Variants in PTPRM observed in about 807,000 individuals in gnomAD.
PTPRM encodes the protein receptor-type tyrosine-protein phosphatase mu.
A neutral mutation model predicts 186.7 loss-of-function variants in PTPRM; 47 were observed. The observed-to-expected ratio is 0.25, with a 90% CI of 0.20 to 0.32. PTPRM has a LOEUF of 0.32. Ranked by LOEUF, PTPRM falls within the 10% of genes least tolerant of loss-of-function variation. PTPRM has a pLI of 1.00. For missense variants in PTPRM, 1,494 were observed against 1,865.0 expected (o/e 0.80, Z 3.66); for synonymous variants, 668 against 674.9 (o/e 0.99, Z 0.16).
intron 24 of PTPRM, among the ~76,000 whole-genome samples, chr18:8,374,901 G>T (rs1016961896): frequency 6.6e-6 from 1 of 152,190 alleles, no homozygotes. Context: ...AATGATTGAT[G>T]GTGAAAGTGA....
intron 7 of PTPRM, among the ~76,000 whole-genome samples, chr18:8,063,900 G>C (rs1388915219): frequency 6.6e-6 from 1 of 152,062 alleles, no homozygotes. Context: ...AAAGCATTTG[G>C]ACATACTGCA....
chr18:7,612,532 C>G (rs2037702313), intron 1 of PTPRM, among the ~76,000 whole-genome samples: 1 of 152,138 alleles, frequency 6.6e-6, no homozygotes, highest in Non-Finnish European at 1.5e-5. Flanking sequence ...TTTTATCAGC[C>G]TTGGACCCTT....
intron 1 of PTPRM, among the ~76,000 whole-genome samples, chr18:7,616,315 C>A (rs1247721237): frequency 6.6e-6 from 1 of 152,104 alleles, no homozygotes; most frequent in African/African-American, 2.4e-5. Flanking sequence ...AGTGCCACCA[C>A]ACCCTGCTAA....
chr18:7,584,869 G>T (rs1414657266), intron 1 of PTPRM, among the ~76,000 whole-genome samples: 1 of 152,220 alleles, frequency 6.6e-6, no homozygotes, highest in Non-Finnish European at 1.5e-5. Context: ...CTGAGGCCCT[G>T]GGAGCCAGGC....
intron 23 of PTPRM, among the ~76,000 whole-genome samples, chr18:8,350,529 A>G (rs1023456675): frequency 5.3e-5 from 8 of 152,030 alleles, no homozygotes; most frequent in Non-Finnish European, 8.8e-5. Flanking sequence ...AACCCCCATA[A>G]AGCTCTCCTT....
intron 1 of PTPRM, among the ~76,000 whole-genome samples, chr18:7,673,194 C>T (rs1243829624): frequency 2.6e-5 from 4 of 152,196 alleles, no homozygotes; most frequent in African/African-American, 9.6e-5. Context: ...TCCACTGCAG[C>T]ATGAATGCCT....
At chr18:8,091,133 T>C (rs952911049) in intron 11 of PTPRM, among the ~76,000 whole-genome samples, 2 of 152,158 alleles carry the variant, frequency 1.3e-5, no homozygotes, top group African/African-American at 4.8e-5. Flanking sequence ...TATTCTTACA[T>C]CTATAAAAAT....
intron 2 of PTPRM, among the ~76,000 whole-genome samples, chr18:7,798,861 AC>A (rs1164964146): frequency 3.9e-5 from 6 of 152,220 alleles, no homozygotes; most frequent in Non-Finnish European, 8.8e-5. Context: ...AAACACATAA[AC>A]ATATACCTAT....
At chr18:7,626,167 A>G (rs1212923621) in intron 1 of PTPRM, among the ~76,000 whole-genome samples, 1 of 152,232 alleles carries the variant, frequency 6.6e-6, no homozygotes, top group Non-Finnish European at 1.5e-5. Context: ...TCAGAACTAA[A>G]TTCTCCAAAG....
At chr18:8,395,738 C>T (rs979104005) in intron 32 of PTPRM, among the ~76,000 whole-genome samples, 17 of 152,192 alleles carry the variant, frequency 1.1e-4, no homozygotes, top group Admixed American at 2.0e-4. Context: ...CAGACTCCTG[C>T]GCCCCTCCTC....
chr18:7,644,657 A>G (rs1048909440), intron 1 of PTPRM, among the ~76,000 whole-genome samples: 2 of 152,152 alleles, frequency 1.3e-5, no homozygotes, highest in African/African-American at 4.8e-5. Context: ...CTATTAAAAA[A>G]ATGCTATTGC....
At chr18:8,246,339 A>G (rs898538608) in intron 15 of PTPRM, among the ~76,000 whole-genome samples, 4 of 152,218 alleles carry the variant, frequency 2.6e-5, no homozygotes, top group Admixed American at 2.6e-4. Flanking sequence ...AGGAGAATTT[A>G]AAAATAAGCA....
chr18:7,990,524 AATT>A (rs2147619293), intron 7 of PTPRM, among the ~76,000 whole-genome samples: 1 of 152,318 alleles, frequency 6.6e-6, no homozygotes, highest in African/African-American at 2.4e-5. Flanking sequence ...TGAATATAAA[AATT>A]ATTCAATATT....
intron 14 of PTPRM, among the ~76,000 whole-genome samples, chr18:8,237,382 C>T (rs2094356770): frequency 6.9e-6 from 1 of 144,210 alleles, no homozygotes; most frequent in African/African-American, 2.5e-5. Context: ...CTCTGAAGAA[C>T]TTTTTAATAT....
chr18:8,056,978 G>A (rs2088014157), intron 7 of PTPRM, among the ~76,000 whole-genome samples: 1 of 151,862 alleles, frequency 6.6e-6, no homozygotes, highest in Non-Finnish European at 1.5e-5. Context: ...TAAGGGAATG[G>A]ATAAGTAAAC....
At chr18:8,179,714 C>T (rs899358749) in intron 14 of PTPRM, among the ~76,000 whole-genome samples, 6 of 152,010 alleles carry the variant, frequency 3.9e-5, no homozygotes, top group Non-Finnish European at 5.9e-5. Flanking sequence ...GTGATCTTCC[C>T]GCCTCAGCTT....
At chr18:8,042,693 G>A (rs567372359) in intron 7 of PTPRM, among the ~76,000 whole-genome samples, 2 of 152,146 alleles carry the variant, frequency 1.3e-5, no homozygotes, top group East Asian at 3.9e-4. Context: ...CAAGCAGCAA[G>A]CAGTGGGAGG....
At chr18:7,691,848 T>C (rs1286418428) in intron 1 of PTPRM, among the ~76,000 whole-genome samples, 1 of 151,904 alleles carries the variant, frequency 6.6e-6, no homozygotes, top group Non-Finnish European at 1.5e-5. Context: ...GGTGGGAGGA[T>C]GGCTAGATCC....
intron 1 of PTPRM, among the ~76,000 whole-genome samples, chr18:7,681,052 C>T (rs1005814262): frequency 7.9e-5 from 12 of 152,184 alleles, no homozygotes; most frequent in African/African-American, 2.9e-4. Flanking sequence ...CTCCTTGAGC[C>T]CCTGGGAAAG....
Sources: gnomAD v4.1 joint callset for allele counts (sites outside exome capture counted in the v4.1 genomes callset) on GRCh38, gnomAD v4.1.1 for gene constraint, MANE v1.5 for transcripts, NCBI Gene and HGNC (gene_info 2026-07-23, HGNC 2026-07-21) for gene names.